The following FHIT variants were observed in gnomAD, a reference collection of about 807,000 sequenced individuals.
The protein encoded by FHIT is fragile histidine triad diadenosine triphosphatase, also known as bis(5'-adenosyl)-triphosphatase.
Under a neutral mutation model 17.9 loss-of-function variants are expected in FHIT, and 19 were observed. That is an observed-to-expected ratio of 1.06 (90% CI 0.74 to 1.56). The LOEUF (loss-of-function observed/expected upper bound fraction) is 1.56. Ranked by LOEUF, FHIT falls within the 40% of genes most tolerant of loss-of-function variation. FHIT has a pLI of 0.00. For synonymous variants in FHIT, 81 were observed against 69.7 expected (o/e 1.16, Z -0.81); for missense variants, 248 against 189.2 (o/e 1.31, Z -1.82).
At chr3:61,066,200 C>T (rs1476145538) in intron 2 of FHIT, among the ~76,000 whole-genome samples, 1 of 152,184 alleles carries the variant, frequency 6.6e-6, no homozygotes, top group Non-Finnish European at 1.5e-5. Flanking sequence ...GGGGGTAGAT[C>T]CCCCATGCCC....
chr3:60,072,499 C>A (rs1297303351), intron 5 of FHIT, among the ~76,000 whole-genome samples: 1 of 152,170 alleles, frequency 6.6e-6, no homozygotes, highest in Non-Finnish European at 1.5e-5. Context: ...TATTTAAGAG[C>A]CTGTGCATGC....
intron 5 of FHIT, among the ~76,000 whole-genome samples, chr3:60,175,549 T>C (rs1276504490): frequency 2.0e-5 from 3 of 152,180 alleles, no homozygotes; most frequent in Non-Finnish European, 2.9e-5. Context: ...CTCAACATAA[T>C]GACTCTTTGG....
intron 7 of FHIT, among the ~76,000 whole-genome samples, chr3:59,978,308 G>A (rs540013689): frequency 6.6e-6 from 1 of 152,000 alleles, no homozygotes; most frequent in African/African-American, 2.4e-5. Context: ...CGTGCTGAGA[G>A]GGCCACCTTA....
At chr3:59,846,494 T>C (rs1701725531) in intron 8 of FHIT, among the ~76,000 whole-genome samples, 1 of 152,130 alleles carries the variant, frequency 6.6e-6, no homozygotes, top group South Asian at 2.1e-4. Context: ...TTAAATTATA[T>C]AGAAAACAAA....
At chr3:59,801,141 G>A (rs1699977588) in intron 8 of FHIT, among the ~76,000 whole-genome samples, 1 of 152,136 alleles carries the variant, frequency 6.6e-6, no homozygotes, top group Admixed American at 6.5e-5. Context: ...CATTTATTGA[G>A]CACTGTATGC....
At chr3:60,995,180 G>A (rs1415430606) in intron 3 of FHIT, among the ~76,000 whole-genome samples, 1 of 151,998 alleles carries the variant, frequency 6.6e-6, no homozygotes, top group Non-Finnish European at 1.5e-5. Context: ...AATTAGCCGG[G>A]CGTGGTGGCA....
At chr3:60,137,995 C>T (rs1377105191) in intron 5 of FHIT, among the ~76,000 whole-genome samples, 1 of 152,140 alleles carries the variant, frequency 6.6e-6, no homozygotes, top group East Asian at 1.9e-4. Context: ...TACATGTGTG[C>T]AGGGCTATTC....
intron 7 of FHIT, among the ~76,000 whole-genome samples, chr3:60,002,958 G>A (rs1343631159): frequency 6.6e-6 from 1 of 152,052 alleles, no homozygotes; most frequent in Non-Finnish European, 1.5e-5. Context: ...GCTACTTCAT[G>A]GGCCCCACCC....
intron 8 of FHIT, among the ~76,000 whole-genome samples, chr3:59,842,448 G>A (rs565319320): frequency 3.9e-5 from 6 of 152,270 alleles, no homozygotes; most frequent in African/African-American, 1.2e-4. Flanking sequence ...TGGGATTGCT[G>A]GATCATATGG....
chr3:60,182,982 T>C (rs1413154696), intron 5 of FHIT, among the ~76,000 whole-genome samples: 4 of 151,740 alleles, frequency 2.6e-5, no homozygotes, highest in African/African-American at 9.7e-5. Context: ...ATTCTGTCCA[T>C]GACAACTCCC....
At chr3:60,435,712 A>G (rs936914129) in intron 5 of FHIT, among the ~76,000 whole-genome samples, 1 of 152,072 alleles carries the variant, frequency 6.6e-6, no homozygotes, top group East Asian at 1.9e-4. Flanking sequence ...ACAGGTAAAC[A>G]TGTGTCATGG....
chr3:60,410,396 TA>T (rs367768160), intron 5 of FHIT, among the ~76,000 whole-genome samples: 165 of 152,330 alleles, frequency 1.1e-3, no homozygotes, highest in African/African-American at 3.8e-3. Context: ...GATTTTTATT[TA>T]TAAGACTGAC....
intron 4 of FHIT, among the ~76,000 whole-genome samples, chr3:60,632,601 T>A (rs1276130294): frequency 1.3e-5 from 2 of 152,084 alleles, no homozygotes; most frequent in Admixed American, 1.3e-4. Context: ...CGGATGAAAA[T>A]GTGGCCAAAA....
chr3:60,574,771 T>A (rs1553656972), intron 4 of FHIT, among the ~76,000 whole-genome samples: 1 of 151,992 alleles, frequency 6.6e-6, no homozygotes, highest in East Asian at 1.9e-4. Context: ...TCCCTGCTCA[T>A]CTCCTTTCAG....
intron 3 of FHIT, among the ~76,000 whole-genome samples, chr3:60,896,471 C>T (rs1385225779): frequency 1.3e-5 from 2 of 152,194 alleles, no homozygotes; most frequent in Admixed American, 1.3e-4. Flanking sequence ...GTACTGCCCT[C>T]CTTCCACAGT....
intron 5 of FHIT, among the ~76,000 whole-genome samples, chr3:60,335,422 T>C (rs1316141878): frequency 6.6e-6 from 1 of 152,194 alleles, no homozygotes; most frequent in East Asian, 1.9e-4. Context: ...GTAACATAGC[T>C]GATAAACTGA....
intron 5 of FHIT, among the ~76,000 whole-genome samples, chr3:60,082,401 G>A (rs1703327009): frequency 6.6e-6 from 1 of 152,022 alleles, no homozygotes; most frequent in Admixed American, 6.6e-5. Context: ...TTGATTTCAT[G>A]TCTTTGCTAT....
At chr3:60,910,332 G>A (rs1241870461) in intron 3 of FHIT, among the ~76,000 whole-genome samples, 1 of 152,032 alleles carries the variant, frequency 6.6e-6, no homozygotes, top group African/African-American at 2.4e-5. Flanking sequence ...ATGGAGAAGA[G>A]GAGGACTGTG....
At chr3:60,831,423 C>G (rs1362738047) in intron 3 of FHIT, among the ~76,000 whole-genome samples, 1 of 152,118 alleles carries the variant, frequency 6.6e-6, no homozygotes, top group African/African-American at 2.4e-5. Flanking sequence ...TTCAAAAAAA[C>G]TCTTGGAAAA....
Sources: gnomAD v4.1 joint callset for allele counts (sites outside exome capture counted in the v4.1 genomes callset) on GRCh38, gnomAD v4.1.1 for gene constraint, MANE v1.5 for transcripts, NCBI Gene and HGNC (gene_info 2026-07-23, HGNC 2026-07-21) for gene names.